ITGB8: variants seen among roughly 807,000 people sequenced by gnomAD.
ITGB8 encodes the protein integrin subunit beta 8.
In ITGB8, 30 loss-of-function variants were observed where a neutral mutation model predicts 89.5. The ratio of observed to expected loss-of-function variants is 0.34; its 90% CI spans 0.25 to 0.45. The LOEUF (loss-of-function observed/expected upper bound fraction) is 0.45, where lower values mean the gene tolerates loss of function less well. Ranked by LOEUF, ITGB8 falls within the 20% of genes least tolerant of loss-of-function variation. The pLI is 1.00. For synonymous variants in ITGB8, 335 were observed against 320.4 expected, an observed-to-expected ratio of 1.05 and a Z score of -0.49; for missense variants, 836 against 933.3, an observed-to-expected ratio of 0.90 and a Z score of 1.36.
intron 1 of ITGB8, among the ~76,000 whole-genome samples, chr7:20,353,931 CAAAA>C (rs1158594685): frequency 2.3e-4 from 13 of 55,706 alleles, no homozygotes; most frequent in East Asian, 1.3e-3. Context: ...GACTCCGTCT[CAAAA>C]AAAAAAAAAA....
intron 3 of ITGB8, among the ~76,000 whole-genome samples, chr7:20,368,700 A>G (rs979218106): frequency 2.0e-5 from 3 of 152,204 alleles, no homozygotes; most frequent in African/African-American, 4.8e-5. Context: ...TGAAAATTAT[A>G]AGCTGCATTT....
rs766698763 is a variant in ITGB8 at position 20,398,865 on chromosome 7, C to T, written c.1152C>T (p.Leu384=). Residue 384 remains leucine, a synonymous_variant, in exon 9 of 14, where the codon CTC becomes CTT. Coordinates refer to ENST00000222573, the MANE Select transcript of ITGB8 (RefSeq NM_002214.3). ...NNLVVEAYQK[L]ISEVKVQVEN... Reference sequence around the variant, plus strand: ...TAAAAATAATGTCTCTGCAGAAGCTCATTTCAGAAGTGAAAGTTCAGGTGG... The same window carrying T: ...TAAAAATAATGTCTCTGCAGAAGCTTATTTCAGAAGTGAAAGTTCAGGTGG... The T allele has an allele frequency of 2.5e-5, 39 of 1,578,878 alleles. No homozygotes were observed. Among genetic ancestry groups the T allele is most frequent in the Non-Finnish European group, 3.2e-5 (37 of 1,165,082 alleles).
At chr7:20,359,031 AG>A (rs1240669967) in intron 1 of ITGB8, among the ~76,000 whole-genome samples, 1 of 152,180 alleles carries the variant, frequency 6.6e-6, no homozygotes, top group Non-Finnish European at 1.5e-5. Flanking sequence ...TGTGCTGCAA[AG>A]GACATGATTT....
chr7:20,409,000 C>G (rs1363675038), intron 12 of ITGB8, among the ~76,000 whole-genome samples: 1 of 152,082 alleles, frequency 6.6e-6, no homozygotes, highest in Non-Finnish European at 1.5e-5. Context: ...CATGTTGTCC[C>G]AAATTGGACA....
Position 20,411,507 on chromosome 7 carries a change from G to A in ITGB8, c.*1510G>A, listed in dbSNP as rs1000631116. The A allele has an allele frequency of 2.0e-5, 3 of 152,486 alleles. No homozygotes were observed. The highest frequency in any genetic ancestry group is 2.1e-4 in the South Asian group (1 of 4,828). 9.4% of individuals were successfully genotyped at this position (152,486 alleles called of 1,614,324 possible). ...GAACTGAGCCTCAGAAAACTTAAAC[G>A]ATTTCTCAGAAAACACTCAAGTGAT... On this transcript the variant is annotated 3_prime_UTR_variant, in exon 14 of 14. Transcript: ENST00000222573.
At chr7:20,347,090 C>G (rs1304756075) in intron 1 of ITGB8, among the ~76,000 whole-genome samples, 8 of 152,178 alleles carry the variant, frequency 5.3e-5, no homozygotes, top group Non-Finnish European at 1.2e-4. Context: ...CAAGAAGGTG[C>G]CACCTATGAG....
intron 1 of ITGB8, among the ~76,000 whole-genome samples, chr7:20,339,857 G>C (rs1341829984): frequency 6.6e-6 from 1 of 152,028 alleles, no homozygotes; most frequent in Non-Finnish European, 1.5e-5. Context: ...GTGAAACCCT[G>C]TCTCTACTAA....
rs1787739951 is a variant in ITGB8 at position 20,410,971 on chromosome 7, A to G, written c.*974A>G. ...CCTCAAGCAAAGTACCACATTTTGA[A>G]TGTTTTCTTAGATTTTGATTGCAAG... On this transcript the variant is annotated 3_prime_UTR_variant, in exon 14 of 14. Coordinates refer to ENST00000222573, the MANE Select transcript of ITGB8 (RefSeq NM_002214.3). 1 of 152,374 alleles carries G rather than the reference A, an allele frequency of 6.6e-6. No individual in the cohort carries two copies. The highest frequency in any genetic ancestry group is 2.4e-5 in the African/African-American group (1 of 41,424). 9.4% of individuals were successfully genotyped at this position (152,374 alleles called of 1,614,324 possible).
intron 1 of ITGB8, among the ~76,000 whole-genome samples, chr7:20,350,294 C>G (rs1376222640): frequency 2.0e-5 from 3 of 152,058 alleles, no homozygotes; most frequent in Admixed American, 6.5e-5. Flanking sequence ...ATTACAGGTG[C>G]CCGCCACCAT....
intron 1 of ITGB8, among the ~76,000 whole-genome samples, chr7:20,336,981 T>C (rs1373798116): frequency 6.6e-6 from 1 of 152,230 alleles, no homozygotes; most frequent in East Asian, 1.9e-4. Context: ...AAAAGTGGGT[T>C]ACACCATAAA....
intron 6 of ITGB8, among the ~76,000 whole-genome samples, chr7:20,382,269 A>C (rs1786429966): frequency 6.6e-6 from 1 of 152,252 alleles, no homozygotes; most frequent in South Asian, 2.1e-4. Flanking sequence ...AGGAAACCTC[A>C]CAGTACAATA....
chr7:20,354,448 T>G (rs919574162), intron 1 of ITGB8, among the ~76,000 whole-genome samples: 3 of 152,234 alleles, frequency 2.0e-5, no homozygotes, highest in African/African-American at 7.2e-5. Flanking sequence ...ATTCATCAGT[T>G]AGGAATTGTG....
At chr7:20,370,768 G>A (rs1004392708) in intron 3 of ITGB8, among the ~76,000 whole-genome samples, 5 of 151,984 alleles carry the variant, frequency 3.3e-5, no homozygotes, top group African/African-American at 9.7e-5. Flanking sequence ...CTGCCACCAT[G>A]CCTGGCAAAT....
At chr7:20,392,433 C>T (rs1042991408) in intron 7 of ITGB8, among the ~76,000 whole-genome samples, 4 of 152,188 alleles carry the variant, frequency 2.6e-5, no homozygotes, top group Non-Finnish European at 4.4e-5. Context: ...TGGTGTTCCC[C>T]CTACCAGTTT....
In ITGB8 at chr7:20,370,842, C is replaced by T. The variant is rs115645298; in HGVS notation, c.388+3656C>T. On this transcript the variant is annotated intron_variant, in intron 3 of 13. Coordinates refer to ENST00000222573, the MANE Select transcript of ITGB8 (RefSeq NM_002214.3). ...TTGGCCAGACTGGTCTCGAACTCCTCGACTCAGGTGATCCACCAGCCTCGG... is the reference window on the plus strand; with the variant it reads ...TTGGCCAGACTGGTCTCGAACTCCTTGACTCAGGTGATCCACCAGCCTCGG... 1.3e-3 allele frequency among the ~76,000 whole-genome samples: 205 copies of T among 152,082 alleles called. 3 individuals carry two copies. The highest frequency in any genetic ancestry group is 4.1e-3 in the African/African-American group (171 of 41,522).
intron 3 of ITGB8, among the ~76,000 whole-genome samples, chr7:20,375,623 G>C (rs997559709): frequency 1.3e-5 from 2 of 152,078 alleles, no homozygotes; most frequent in Admixed American, 1.3e-4. Context: ...GAAATTTAAA[G>C]TAATCATTAC....
intron 7 of ITGB8, 38 bp from the exon 8 acceptor site, chr7:20,394,858 T>A: frequency 7.3e-7 from 1 of 1,370,490 alleles, no homozygotes; most frequent in Non-Finnish European, 1.0e-6. Context: ...CATTACATAC[T>A]ATTGTCATTG....
In ITGB8 at chr7:20,331,792, G is replaced by C. The variant is rs1784407114; in HGVS notation, c.-15G>C. Reference sequence around the variant, plus strand: ...GGCAGTCAGGCGGCGGGCGCGGGGCGGGCTGTTTTGCATTATGTGCGGCTC... The same window carrying C: ...GGCAGTCAGGCGGCGGGCGCGGGGCCGGCTGTTTTGCATTATGTGCGGCTC... On this transcript the variant is annotated 5_prime_UTR_variant, in exon 1 of 14. Coordinates refer to ENST00000222573, the MANE Select transcript of ITGB8 (RefSeq NM_002214.3). 2 of 1,608,214 alleles carry C rather than the reference G, an allele frequency of 1.2e-6. No homozygotes were observed. The highest frequency in any genetic ancestry group is 2.2e-5 in the South Asian group (2 of 90,626).
rs75778005 is a variant in ITGB8 at position 20,377,779 on chromosome 7, T to C, written c.389-1272T>C. Among the ~76,000 whole-genome samples, 776 of 152,302 alleles carry C rather than the reference T, an allele frequency of 5.1e-3. 11 individuals carry two copies. Among genetic ancestry groups the C allele is most frequent in the African/African-American group, 0.018 (752 of 41,562 alleles). The stretch of plus-strand genomic sequence containing the variant: ...CTGCACAGAAAAAGCAAATTAGGAA[T>C]GAGTAGTCCCTTTCTCCATAATTAT... On this transcript the variant is annotated intron_variant, in intron 3 of 13. Transcript: ENST00000222573.
Sources: allele counts gnomAD v4.1 joint callset (sites outside exome capture counted in the v4.1 genomes callset), GRCh38; gene constraint gnomAD v4.1.1; transcripts MANE v1.5; gene names NCBI Gene and HGNC (gene_info 2026-07-23, HGNC 2026-07-21).